The following MTHFS variants were observed in gnomAD, a reference collection of about 807,000 sequenced individuals.
MTHFS encodes 5-formyltetrahydrofolate cyclo-ligase.
In MTHFS, 7 loss-of-function variants were observed where a neutral mutation model predicts 12.7. That is an observed-to-expected ratio of 0.55 (90% confidence interval 0.31 to 1.03). MTHFS has a LOEUF of 1.03. Among genes scored for constraint, MTHFS ranks in the 50% least tolerant of loss-of-function variants. The pLI is 0.05. For missense variants in MTHFS, 252 were observed against 258.1 expected, an observed-to-expected ratio of 0.98 and a Z score of 0.16; for synonymous variants, 100 against 97.1, an observed-to-expected ratio of 1.03 and a Z score of -0.18.
chr15:79,890,073 T>C (rs2141377647), intron 1 of MTHFS, among the ~76,000 whole-genome samples: 1 of 152,250 alleles, frequency 6.6e-6, no homozygotes, highest in South Asian at 2.1e-4. Context: ...GGGCAGATCC[T>C]GGTGAAAGAA....
intron 2 of MTHFS, among the ~76,000 whole-genome samples, chr15:79,850,560 T>C (rs1165988978): frequency 6.6e-6 from 1 of 152,142 alleles, no homozygotes; most frequent in Non-Finnish European, 1.5e-5. Context: ...GAGGGCCAGA[T>C]TTGGCCTGTG....
chr15:79,897,111 G>A, upstream of MTHFS: 2 of 843,374 alleles, frequency 2.4e-6, no homozygotes, highest in Non-Finnish European at 3.3e-6. Context: ...TCGGGGAAGC[G>A]CCCCCACCCC....
At chr15:79,859,145 C>T (rs907077728) in intron 2 of MTHFS, among the ~76,000 whole-genome samples, 2 of 152,178 alleles carry the variant, frequency 1.3e-5, no homozygotes, top group African/African-American at 4.8e-5. Context: ...AATCCATTTC[C>T]CCCAAATTAA....
intron 2 of MTHFS, among the ~76,000 whole-genome samples, chr15:79,865,796 G>A (rs2033999339): frequency 6.6e-6 from 1 of 152,196 alleles, no homozygotes; most frequent in Non-Finnish European, 1.5e-5. Flanking sequence ...CCTTCATACA[G>A]TGGCAAAGCT....
At chr15:79,888,379 G>C (rs1238788004) in intron 2 of MTHFS, among the ~76,000 whole-genome samples, 2 of 152,204 alleles carry the variant, frequency 1.3e-5, no homozygotes, top group Non-Finnish European at 2.9e-5. Flanking sequence ...GTAAGTCACA[G>C]AAAGATTTTA....
At chr15:79,884,228 G>A (rs187931068) in intron 2 of MTHFS, among the ~76,000 whole-genome samples, 38 of 152,292 alleles carry the variant, frequency 2.5e-4, no homozygotes, top group Non-Finnish European at 3.4e-4. Flanking sequence ...TCTCAAATCC[G>A]TATTTTCCAT....
upstream of MTHFS, chr15:79,897,180 A>ACCCAGCCCTCGTGCGGTC (rs1282730273): frequency 1.9e-6 from 1 of 513,448 alleles, no homozygotes; most frequent in African/African-American, 2.0e-5. Context: ...GGCCCTTGGG[A>ACCCAGCCCTCGTGCGGTC]CCCAGCCCTC....
At chr15:79,880,820 AAAC>A in intron 2 of MTHFS, among the ~76,000 whole-genome samples, 1 of 151,548 alleles carries the variant, frequency 6.6e-6, no homozygotes, top group African/African-American at 2.4e-5. Context: ...AAAAACTTTT[AAAC>A]TACATATATA....
intron 1 of MTHFS, among the ~76,000 whole-genome samples, chr15:79,895,128 G>T (rs2034545788): frequency 6.6e-6 from 1 of 152,186 alleles, no homozygotes; most frequent in African/African-American, 2.4e-5. Flanking sequence ...GGTTCTGAGA[G>T]ATTATGAGAC....
At chr15:79,885,755 C>T (rs2034371249) in intron 2 of MTHFS, among the ~76,000 whole-genome samples, 1 of 152,210 alleles carries the variant, frequency 6.6e-6, no homozygotes, top group South Asian at 2.1e-4. Flanking sequence ...TTATTGCTAG[C>T]AGTAAGGATG....
At chr15:79,851,145 T>A (rs962796069) in intron 2 of MTHFS, among the ~76,000 whole-genome samples, 1 of 152,224 alleles carries the variant, frequency 6.6e-6, no homozygotes, top group African/African-American at 2.4e-5. Context: ...GGTTTTCTAC[T>A]CTTTTTGTTA....
intron 2 of MTHFS, among the ~76,000 whole-genome samples, chr15:79,880,802 AAC>A (rs755960764): frequency 2.2e-4 from 33 of 149,330 alleles, no homozygotes; most frequent in South Asian, 1.8e-3. Context: ...AAAAAAAAAA[AAC>A]AAACAAAAAA....
intron 2 of MTHFS, among the ~76,000 whole-genome samples, chr15:79,885,206 ACT>A (rs762093395): frequency 7.9e-5 from 12 of 152,038 alleles, no homozygotes; most frequent in Admixed American, 5.9e-4. Context: ...TTGTTCAAAG[ACT>A]CTGTCCTTGA....
At chr15:79,857,722 C>G (rs2033835578) in intron 2 of MTHFS, among the ~76,000 whole-genome samples, 1 of 152,056 alleles carries the variant, frequency 6.6e-6, no homozygotes, top group African/African-American at 2.4e-5. Context: ...GAAACTTGCT[C>G]TTAAAACCCA....
chr15:79,856,767 T>C (rs150036773), intron 2 of MTHFS, among the ~76,000 whole-genome samples: 1 of 152,034 alleles, frequency 6.6e-6, no homozygotes, highest in African/African-American at 2.4e-5. Flanking sequence ...ATGTGTTTCC[T>C]TACCACAACA....
At chr15:79,858,557 A>G (rs538652492) in intron 2 of MTHFS, among the ~76,000 whole-genome samples, 1 of 152,206 alleles carries the variant, frequency 6.6e-6, no homozygotes, top group Admixed American at 6.5e-5. Flanking sequence ...ATGATCTTCA[A>G]ATCCCTTCCA....
chr15:79,872,871 G>A (rs1350205401), intron 2 of MTHFS, among the ~76,000 whole-genome samples: 1 of 152,144 alleles, frequency 6.6e-6, no homozygotes, highest in Non-Finnish European at 1.5e-5. Context: ...GGTCAGCAGT[G>A]TCGTGACCAA....
intron 2 of MTHFS, among the ~76,000 whole-genome samples, chr15:79,881,827 T>G (rs1401325259): frequency 1.3e-5 from 2 of 152,234 alleles, no homozygotes; most frequent in East Asian, 3.8e-4. Context: ...AAACCAGAAC[T>G]GGGTGACCTC....
At chr15:79,858,912 C>T (rs1042109431) in intron 2 of MTHFS, among the ~76,000 whole-genome samples, 1 of 152,178 alleles carries the variant, frequency 6.6e-6, no homozygotes, top group Non-Finnish European at 1.5e-5. Context: ...CTACGCTTTC[C>T]TATATGACAA....
Sources: allele counts gnomAD v4.1 joint callset (sites outside exome capture counted in the v4.1 genomes callset), GRCh38; gene constraint gnomAD v4.1.1; transcripts MANE v1.5; gene names NCBI Gene and HGNC (gene_info 2026-07-23, HGNC 2026-07-21).